Variants in KALRN observed in about 807,000 individuals in gnomAD.
KALRN encodes the protein kalirin RhoGEF kinase.
KALRN carries 70 observed loss-of-function variants against 353.7 expected under a neutral mutation model. That is an observed-to-expected ratio of 0.20 (90% CI 0.16 to 0.24). KALRN has a LOEUF of 0.24. KALRN is among the 10% of genes least tolerant of loss of function. The pLI is 1.00. For synonymous variants in KALRN, 1,391 were observed against 1,434.8 expected, an observed-to-expected ratio of 0.97 and a Z score of 0.69; for missense variants, 2,791 against 3,756.7, an observed-to-expected ratio of 0.74 and a Z score of 6.72.
chr3:124,138,594 A>G lies in KALRN; in HGVS notation c.74-89396A>G, dbSNP rs143401870. On this transcript the variant is annotated intron_variant, in intron 1 of 59. Transcript: ENST00000682506. ...ACAAGAAAGCCACTGAGGCCAGAGG[A>G]TTCACTGAAGTTCTTCCCTTCTCCC... 3.3e-5 allele frequency among the ~76,000 whole-genome samples: 5 copies of G among 152,216 alleles called. No homozygotes were observed. The East Asian group carries it at 5.8e-4, about 18-fold the overall frequency.
chr3:124,440,379 T>C (rs2093629050), intron 18 of KALRN, among the ~76,000 whole-genome samples: 1 of 152,184 alleles, frequency 6.6e-6, no homozygotes, highest in African/African-American at 2.4e-5. Flanking sequence ...AGAAGCTCCC[T>C]GTCACTGTGG....
At chr3:124,294,052 AGAGGAGGTAGAGAAG>A (rs1232064535) in intron 5 of KALRN, among the ~76,000 whole-genome samples, 1 of 152,076 alleles carries the variant, frequency 6.6e-6, no homozygotes, top group African/African-American at 2.4e-5. Flanking sequence ...AGGAGAAGAA[AGAGGAGGTAGAGAAG>A]GAGGAGCAGG....
rs759288506 is a variant in KALRN, at chr3:124,667,096, G to A, written c.6616G>A (p.Val2206Ile). Residue 2206 changes from valine (V) to isoleucine (I), a missense_variant, in exon 47 of 60, where the codon GTT becomes ATT. Val to Ile is a conservative substitution (Grantham distance 29). Around this residue, in one of 11 missense-constraint regions of KALRN, gnomAD observed 1,065 missense variants for 1,156.4 expected, o/e 0.92. Coordinates refer to ENST00000682506, the MANE Select transcript of KALRN (RefSeq NM_001388419.1). ...GAACAGAGAGACTTCTGAGAGGGTT[G>A]TTCTGCAAGCCGCCAACGCTGACAT... The part of the protein sequence containing the change: ...LMNRETSERV[V>I]LQAANADIQQ... The A allele has an allele frequency of 6.2e-7, 1 of 1,614,248 alleles. No homozygotes were observed. The highest frequency in any genetic ancestry group is 8.5e-7 in the Non-Finnish European group (1 of 1,180,040).
intron 1 of KALRN, among the ~76,000 whole-genome samples, chr3:124,127,915 C>T (rs139255886): frequency 1.3e-3 from 192 of 152,180 alleles, no homozygotes; most frequent in African/African-American, 4.5e-3. Flanking sequence ...ATCCATGTCT[C>T]CTTATTTTTT....
chr3:124,323,021 C>T (rs180704800), intron 6 of KALRN, among the ~76,000 whole-genome samples: 23 of 152,302 alleles, frequency 1.5e-4, no homozygotes, highest in African/African-American at 5.3e-4. Flanking sequence ...GATACTGCCT[C>T]TACTTCTTTT....
chr3:124,105,206 T>C (rs971516779), intron 1 of KALRN, among the ~76,000 whole-genome samples: 1 of 152,214 alleles, frequency 6.6e-6, no homozygotes, highest in Non-Finnish European at 1.5e-5. Context: ...CATTGAAGCT[T>C]TCATGCTTAG....
At chr3:124,321,086 A>G (rs1462109143) in intron 6 of KALRN, among the ~76,000 whole-genome samples, 2 of 152,186 alleles carry the variant, frequency 1.3e-5, no homozygotes, top group African/African-American at 4.8e-5. Context: ...CTGGAACTGA[A>G]TGAGGGAAAA....
At chr3:124,570,754 CTT>C (rs2073424769) in intron 34 of KALRN, among the ~76,000 whole-genome samples, 1 of 152,180 alleles carries the variant, frequency 6.6e-6, no homozygotes, top group Non-Finnish European at 1.5e-5. Flanking sequence ...GAAACTTACT[CTT>C]TTTATAACTG....
intron 47 of KALRN, among the ~76,000 whole-genome samples, chr3:124,667,440 G>A (rs2085780066): frequency 6.6e-6 from 1 of 152,180 alleles, no homozygotes; most frequent in African/African-American, 2.4e-5. Flanking sequence ...ATGTCTTGTG[G>A]CCATCACTAC....
intron 1 of KALRN, among the ~76,000 whole-genome samples, chr3:124,176,329 T>G (rs766218391): frequency 6.6e-6 from 1 of 152,188 alleles, no homozygotes; most frequent in Non-Finnish European, 1.5e-5. Flanking sequence ...GTGATCATTT[T>G]CAGGCTCAGT....
intron 1 of KALRN, chr3:124,152,860 C>G (rs1183478756): frequency 9.7e-6 from 2 of 205,646 alleles, no homozygotes; most frequent in African/African-American, 2.4e-5. Flanking sequence ...CGTGATCCAC[C>G]CGCCTCGGCC....
chr3:124,295,658 A>C (rs2076789828), intron 5 of KALRN, among the ~76,000 whole-genome samples: 1 of 152,144 alleles, frequency 6.6e-6, no homozygotes, highest in South Asian at 2.1e-4. Context: ...ACATCCAAGA[A>C]AGTGTATGGA....
At chr3:124,284,579 C>T (rs572947719) in intron 5 of KALRN, among the ~76,000 whole-genome samples, 1 of 152,298 alleles carries the variant, frequency 6.6e-6, no homozygotes, top group East Asian at 1.9e-4. Context: ...GTATTTTTCA[C>T]ATTTTATTAA....
intron 15 of KALRN, among the ~76,000 whole-genome samples, chr3:124,429,380 A>C (rs1433357465): frequency 2.0e-5 from 3 of 152,156 alleles, no homozygotes; most frequent in African/African-American, 7.2e-5. Context: ...CTAATTGTTC[A>C]ATGTGAGGAA....
chr3:124,718,730 T>G (rs1005381568), intron 59 of KALRN, among the ~76,000 whole-genome samples, 195 bp from the exon 60 acceptor site: 3 of 152,210 alleles, frequency 2.0e-5, no homozygotes, highest in African/African-American at 7.2e-5. Flanking sequence ...CCACCCAAAC[T>G]CAAAGTGTAG....
At position 124,117,599 on chromosome 3, in the gene KALRN, GGAA is replaced by G. The variant is rs1232166129; in HGVS notation, c.73+83791_73+83793del. ...TCTTGTGTTAATTTAAGATTCTTCC[GGAA>G]GAAGTAGAGGAACATTAAGGCAGTG... On this transcript the variant is annotated intron_variant, in intron 1 of 59. Coordinates refer to ENST00000682506, the MANE Select transcript of KALRN (RefSeq NM_001388419.1). Among the ~76,000 whole-genome samples the G allele has an allele frequency of 1.6e-4, 25 of 152,070 alleles. 1 individual carries two copies. The highest frequency in any genetic ancestry group is 1.5e-3 in the Admixed American group (23 of 15,258).
intron 34 of KALRN, chr3:124,584,702 G>A: frequency 1.2e-5 from 17 of 1,471,366 alleles, no homozygotes; most frequent in Non-Finnish European, 1.5e-5. Context: ...TGCGGGGAGA[G>A]CACAGCGGGG....
At chr3:124,541,082 G>A (rs796205429) in intron 33 of KALRN, among the ~76,000 whole-genome samples, 30 of 152,188 alleles carry the variant, frequency 2.0e-4, no homozygotes, top group African/African-American at 7.2e-4. Context: ...CGTCTTTGGC[G>A]ACAGAACTGT....
chr3:124,590,507 GC>G (rs1241766454), intron 34 of KALRN, among the ~76,000 whole-genome samples: 3 of 152,122 alleles, frequency 2.0e-5, no homozygotes, highest in East Asian at 1.9e-4. Context: ...TTACTCTTGA[GC>G]CCATACAACA....
Sources: allele counts gnomAD v4.1 joint callset (sites outside exome capture counted in the v4.1 genomes callset), GRCh38; gene constraint gnomAD v4.1.1; regional missense constraint gnomAD v4.1.1; transcripts MANE v1.5; gene names NCBI Gene and HGNC (gene_info 2026-07-23, HGNC 2026-07-21).